The following PLA2G4A variants were observed in gnomAD, a reference collection of about 807,000 sequenced individuals.
The protein encoded by PLA2G4A is cytosolic phospholipase A2.
PLA2G4A carries 40 observed loss-of-function variants against 81.9 expected under a neutral mutation model. The ratio of observed to expected loss-of-function variants is 0.49; its 90% CI spans 0.38 to 0.64. The LOEUF (loss-of-function observed/expected upper bound fraction) is 0.64. Among genes scored for constraint, PLA2G4A ranks in the 30% least tolerant of loss-of-function variants. PLA2G4A has a pLI of 0.00. For missense variants in PLA2G4A, 715 were observed against 905.1 expected (o/e 0.79, Z 2.69); for synonymous variants, 302 against 296.9 (o/e 1.02, Z -0.18).
At chr1:186,871,879 C>T (rs766016188) in intron 3 of PLA2G4A, among the ~76,000 whole-genome samples, 2 of 151,444 alleles carry the variant, frequency 1.3e-5, no homozygotes, top group Non-Finnish European at 1.5e-5. Flanking sequence ...TTTCAAAGAA[C>T]AGGAGGGACT....
At chr1:186,949,007 TG>T (rs1165455364) in intron 12 of PLA2G4A, among the ~76,000 whole-genome samples, 1 of 152,146 alleles carries the variant, frequency 6.6e-6, no homozygotes, top group Non-Finnish European at 1.5e-5. Flanking sequence ...TTCTTCCTTC[TG>T]AAGAAAGACT....
In PLA2G4A at chr1:186,939,001, T is replaced by C. The variant is rs1333566275; in HGVS notation, c.696-7T>C. ...TCTTTACTGATTGTGTTTTGTTTTC[T>C]GTATAGGTATATGTCAACCTTGTAT... On this transcript the variant is annotated splice_polypyrimidine_tract_variant and splice_region_variant and intron_variant, in intron 8 of 17. Coordinates refer to ENST00000367466, the MANE Select transcript of PLA2G4A (RefSeq NM_024420.3). 2.1e-6 allele frequency: 3 copies of C among 1,429,636 alleles called. No individual in the cohort carries two copies. Among genetic ancestry groups the C allele is most frequent in the Admixed American group, 1.7e-5 (1 of 59,762 alleles). 88.6% of individuals were successfully genotyped at this position (1,429,636 alleles called of 1,614,324 possible). A position where few individuals can be genotyped will look rare whatever the true frequency, so the allele number is the denominator to read the frequency against.
intron 10 of PLA2G4A, among the ~76,000 whole-genome samples, chr1:186,941,155 G>A (rs1481463175): frequency 6.6e-6 from 1 of 151,742 alleles, no homozygotes; most frequent in Non-Finnish European, 1.5e-5. Context: ...ACTTTTGGGG[G>A]GGCCTCTGTC....
intron 7 of PLA2G4A, among the ~76,000 whole-genome samples, chr1:186,923,871 A>G (rs1420724884): frequency 6.6e-6 from 1 of 152,208 alleles, no homozygotes; most frequent in Non-Finnish European, 1.5e-5. Flanking sequence ...ACGGCTGACT[A>G]CTTCCTGTTC....
intron 1 of PLA2G4A, among the ~76,000 whole-genome samples, chr1:186,836,002 T>C (rs540283162): frequency 2.8e-4 from 43 of 152,154 alleles, no homozygotes; most frequent in Non-Finnish European, 4.9e-4. Context: ...TATTACTTTC[T>C]GTAATGATGC....
chr1:186,839,123 T>A lies in PLA2G4A; in HGVS notation c.-70+10088T>A, dbSNP rs1477065737. On this transcript the variant is annotated intron_variant, in intron 1 of 17. Coordinates refer to ENST00000367466, the MANE Select transcript of PLA2G4A (RefSeq NM_024420.3). ...CCATCTCTCATAAATCCTCTTCACA[T>A]AAAAATGATTTAGTTTTACACAAAT... Among the ~76,000 whole-genome samples the A allele has an allele frequency of 2.6e-5, 4 of 152,202 alleles. No individual in the cohort carries two copies. The East Asian group carries it at 7.7e-4, about 29-fold the overall frequency.
At chr1:186,854,736 A>ATT (rs2102028022) in intron 2 of PLA2G4A, among the ~76,000 whole-genome samples, 1 of 152,080 alleles carries the variant, frequency 6.6e-6, no homozygotes, top group South Asian at 2.1e-4. Context: ...AAGTAAAAGA[A>ATT]TTTCTGAGTT....
rs563348723 is a variant in PLA2G4A at position 186,892,298 on chromosome 1, A to T, written c.116-713A>T. Among the ~76,000 whole-genome samples the T allele has an allele frequency of 2.0e-5, 3 of 151,624 alleles. No homozygotes were observed. In the South Asian group the frequency reaches 6.3e-4, roughly 32 times the overall value. On this transcript the variant is annotated intron_variant, in intron 3 of 17. Coordinates refer to ENST00000367466, the MANE Select transcript of PLA2G4A (RefSeq NM_024420.3). ...GTGTGCAAAAAAGCTTTTTAATTTG[A>T]TGTGATCCCATTTGCCCATTTTTGC...
chr1:186,837,101 A>G (rs1364419121), intron 1 of PLA2G4A, among the ~76,000 whole-genome samples: 1 of 152,168 alleles, frequency 6.6e-6, no homozygotes, highest in African/African-American at 2.4e-5. Context: ...TGTGGGAGCA[A>G]AGGAGGGAAA....
Position 186,906,990 on chromosome 1 carries a change from C to T in PLA2G4A, c.404C>T (p.Ser135Phe). Residue 135 changes from serine (S) to phenylalanine (F), a missense_variant, in exon 6 of 18, where the codon TCT becomes TTT. Coordinates refer to ENST00000367466, the MANE Select transcript of PLA2G4A (RefSeq NM_024420.3). ...GTCACTGAAATGGTTCTAGAAATGT[C>T]TCTTGAAGTTTGGTAAGTGCATTTA... ...NQVTEMVLEM[S>F]LEVCSCPDLR... The T allele has an allele frequency of 6.6e-7, 1 of 1,511,020 alleles. No individual in the cohort carries two copies. The highest frequency in any genetic ancestry group is 9.2e-7 in the Non-Finnish European group (1 of 1,087,306). The allele number at this position is 1,511,020 out of a possible 1,614,324, so 93.6% of individuals were successfully genotyped here. A position where few individuals can be genotyped will look rare whatever the true frequency, so the allele number is the denominator to read the frequency against.
At chr1:186,938,938 G>A in intron 8 of PLA2G4A, 70 bp from the exon 9 acceptor site, 1 of 822,788 alleles carries the variant, frequency 1.2e-6, no homozygotes, top group Non-Finnish European at 2.2e-6. Context: ...TACAGAGTGT[G>A]CCTTCTTTCT....
chr1:186,945,522 A>C (rs953842424), intron 10 of PLA2G4A, among the ~76,000 whole-genome samples: 2 of 152,158 alleles, frequency 1.3e-5, no homozygotes, highest in African/African-American at 2.4e-5. Context: ...GAGGTCCAGG[A>C]GAGAGAATAC....
chr1:186,858,165 C>T (rs1439667615), intron 2 of PLA2G4A, among the ~76,000 whole-genome samples: 1 of 152,116 alleles, frequency 6.6e-6, no homozygotes, highest in Non-Finnish European at 1.5e-5. Context: ...AGCTCTAGAT[C>T]CCTGAGGAAT....
intron 15 of PLA2G4A, among the ~76,000 whole-genome samples, chr1:186,974,169 T>C (rs1298518047): frequency 6.6e-6 from 1 of 152,090 alleles, no homozygotes; most frequent in African/African-American, 2.4e-5. Context: ...TATCATACTG[T>C]GTTTTGAATA....
At chr1:186,849,084 T>C (rs1652287276) in intron 1 of PLA2G4A, among the ~76,000 whole-genome samples, 1 of 152,052 alleles carries the variant, frequency 6.6e-6, no homozygotes, top group Admixed American at 6.6e-5. Context: ...TTTAACATCA[T>C]TTGACATTAA....
intron 15 of PLA2G4A, among the ~76,000 whole-genome samples, chr1:186,971,216 T>G (rs1557898105): frequency 6.6e-6 from 1 of 151,906 alleles, no homozygotes; most frequent in Non-Finnish European, 1.5e-5. Context: ...ATATTTTGTT[T>G]TAATCTTTTG....
chr1:186,952,647 T>C (rs1410037925), intron 13 of PLA2G4A, among the ~76,000 whole-genome samples: 1 of 152,164 alleles, frequency 6.6e-6, no homozygotes, highest in Non-Finnish European at 1.5e-5. Context: ...TAATGACATA[T>C]ATTCATCATT....
chr1:186,908,374 A>G (rs1654815844), intron 6 of PLA2G4A, among the ~76,000 whole-genome samples: 1 of 152,002 alleles, frequency 6.6e-6, no homozygotes, highest in Non-Finnish European at 1.5e-5. Context: ...AGAACAGTAT[A>G]TTACAGAGAA....
Position 186,965,563 on chromosome 1 carries a change from A to G in PLA2G4A, c.1734A>G (p.Ala578=). 1 of 1,613,266 alleles carries G rather than the reference A, an allele frequency of 6.2e-7. No individual in the cohort carries two copies. The highest frequency in any genetic ancestry group is 8.5e-7 in the Non-Finnish European group (1 of 1,179,226). Residue 578 remains alanine, a synonymous_variant, in exon 15 of 18, where the codon GCA becomes GCG. Coordinates refer to ENST00000367466, the MANE Select transcript of PLA2G4A (RefSeq NM_024420.3). The part of the protein sequence containing the change: ...VDLIISFDFS[A]RPSDSSPPFK... Reference sequence around the variant, plus strand: ...TCATAATCTCCTTTGACTTTTCTGCAAGGCCAAGTGACTCTAGTCCTCCGT... The same window carrying G: ...TCATAATCTCCTTTGACTTTTCTGCGAGGCCAAGTGACTCTAGTCCTCCGT...
Sources: allele counts gnomAD v4.1 joint callset (sites outside exome capture counted in the v4.1 genomes callset), GRCh38; gene constraint gnomAD v4.1.1; transcripts MANE v1.5; gene names NCBI Gene and HGNC (gene_info 2026-07-23, HGNC 2026-07-21).